The following SMAD3 variants were observed in gnomAD, a reference collection of about 807,000 sequenced individuals.
SMAD3 encodes the protein SMAD family member 3.
Under a neutral mutation model 51.8 loss-of-function variants are expected in SMAD3, and 12 were observed. The observed-to-expected ratio is 0.23, with a 90% CI of 0.15 to 0.38. The LOEUF is 0.38. SMAD3 is among the 10% of genes least tolerant of loss of function. The probability of loss-of-function intolerance (pLI) is 1.00; values close to 1 mark genes in which losing one functional copy is unlikely to be tolerated. For synonymous variants in SMAD3, 238 were observed against 227.7 expected, an observed-to-expected ratio of 1.05 and a Z score of -0.41; for missense variants, 294 against 565.6, an observed-to-expected ratio of 0.52 and a Z score of 4.87.
intron 1 of SMAD3, among the ~76,000 whole-genome samples, chr15:67,138,775 TATAA>T (rs1349230385): frequency 3.9e-5 from 6 of 152,214 alleles, no homozygotes; most frequent in African/African-American, 1.4e-4. Flanking sequence ...GCTGAGAATT[TATAA>T]ATACCCCTCA....
chr15:67,071,551 C>T (rs1234462092), intron 1 of SMAD3, among the ~76,000 whole-genome samples: 2 of 152,116 alleles, frequency 1.3e-5, no homozygotes, highest in Non-Finnish European at 2.9e-5. Flanking sequence ...TGGCTCACAC[C>T]TGTAATCCCA....
intron 1 of SMAD3, among the ~76,000 whole-genome samples, chr15:67,103,402 G>A (rs1960805231): frequency 6.6e-6 from 1 of 152,208 alleles, no homozygotes; most frequent in African/African-American, 2.4e-5. Flanking sequence ...GAGAGAGTGA[G>A]GGATGAGAAA....
intron 1 of SMAD3, among the ~76,000 whole-genome samples, chr15:67,120,989 C>T (rs1378916551): frequency 2.6e-5 from 4 of 152,136 alleles, no homozygotes; most frequent in Non-Finnish European, 5.9e-5. Flanking sequence ...AGAGAAAGTG[C>T]GTTTTCTGTT....
chr15:67,117,449 C>T (rs1270433931), intron 1 of SMAD3, among the ~76,000 whole-genome samples: 1 of 152,092 alleles, frequency 6.6e-6, no homozygotes, highest in African/African-American at 2.4e-5. Flanking sequence ...GAAACCTGTG[C>T]CCCAAAGCAG....
intron 5 of SMAD3, among the ~76,000 whole-genome samples, chr15:67,172,750 C>G (rs1351029934): frequency 6.6e-6 from 1 of 152,192 alleles, no homozygotes; most frequent in African/African-American, 2.4e-5. Context: ...AACTCAGGCC[C>G]TCTCACTCCA....
At chr15:67,134,350 G>A (rs1016125285) in intron 1 of SMAD3, among the ~76,000 whole-genome samples, 5 of 152,086 alleles carry the variant, frequency 3.3e-5, no homozygotes, top group African/African-American at 9.7e-5. Flanking sequence ...TCAGATGAAC[G>A]GGGCCTTTAA....
At chr15:67,163,541 C>T (rs1962486627) in intron 1 of SMAD3, among the ~76,000 whole-genome samples, 2 of 152,178 alleles carry the variant, frequency 1.3e-5, no homozygotes, top group Non-Finnish European at 2.9e-5. Context: ...CTCCCCAGTC[C>T]TTTCCTGTAA....
In SMAD3 at chr15:67,192,648, A is replaced by G. The variant is rs115307123; in HGVS notation, c.*2112A>G. The G allele has an allele frequency of 4.4e-4, 103 of 233,130 alleles. No individual in the cohort carries two copies. The highest frequency in any genetic ancestry group is 2.1e-3 in the African/African-American group (95 of 45,440). The allele number at this position is 233,130 out of a possible 1,614,324, so 14.4% of individuals were successfully genotyped here. On this transcript the variant is annotated 3_prime_UTR_variant, in exon 9 of 9. Transcript: ENST00000327367. ...CATGATCCACCTGCTGCACGATCCT[A>G]TGAGGGCTTCCTGTGGCACACAGCC...
At chr15:67,131,739 A>C (rs988937537) in intron 1 of SMAD3, among the ~76,000 whole-genome samples, 1 of 152,122 alleles carries the variant, frequency 6.6e-6, no homozygotes, top group African/African-American at 2.4e-5. Flanking sequence ...CCTCAAATGA[A>C]GCCCGATTTG....
chr15:67,186,932 G>T (rs746368803), intron 7 of SMAD3: 1 of 383,672 alleles, frequency 2.6e-6, no homozygotes, highest in Non-Finnish European at 5.2e-6. Context: ...CAGAGCTCCT[G>T]TTCCTAGGTG....
intron 6 of SMAD3, among the ~76,000 whole-genome samples, chr15:67,183,040 T>A (rs1158788878): frequency 6.2e-4 from 73 of 117,968 alleles, no homozygotes; most frequent in African/African-American, 9.0e-4. Flanking sequence ...TATTTTTTTT[T>A]TTTTTTTTTT....
rs1008285515 is a variant in SMAD3, at chr15:67,190,939, G to A, written c.*403G>A. ...AGTGTGGAGTTCACCTTGGAAGGGC[G>A]TTCTAGGTAGGAAGAGCCCGCAGGG... On this transcript the variant is annotated 3_prime_UTR_variant, in exon 9 of 9. Coordinates refer to ENST00000327367, the MANE Select transcript of SMAD3 (RefSeq NM_005902.4). 6 of 295,474 alleles carry A rather than the reference G, an allele frequency of 2.0e-5. No homozygotes were observed. Among genetic ancestry groups the A allele is most frequent in the African/African-American group, 4.2e-5 (2 of 48,096 alleles). The allele number at this position is 295,474 out of a possible 1,614,324, so 18.3% of individuals were successfully genotyped here. A position where few individuals can be genotyped will look rare whatever the true frequency, so the allele number is the denominator to read the frequency against.
chr15:67,132,817 C>T (rs1030340128), intron 1 of SMAD3, among the ~76,000 whole-genome samples: 2 of 152,186 alleles, frequency 1.3e-5, no homozygotes, highest in African/African-American at 4.8e-5. Context: ...ACTCCCCACT[C>T]ATCACTCCAA....
At chr15:67,176,544 C>A (rs1281490884) in intron 5 of SMAD3, among the ~76,000 whole-genome samples, 1 of 152,266 alleles carries the variant, frequency 6.6e-6, no homozygotes, top group Non-Finnish European at 1.5e-5. Flanking sequence ...TGCCTCCCCA[C>A]CTCTTCCTTT....
chr15:67,141,619 G>A (rs909552706), intron 1 of SMAD3, among the ~76,000 whole-genome samples: 3 of 152,250 alleles, frequency 2.0e-5, no homozygotes, highest in Admixed American at 1.3e-4. Flanking sequence ...AGGACCAGGC[G>A]GCAAAAATCA....
rs145339999 is a variant in SMAD3 at position 67,125,757 on chromosome 15, C to T, written c.207-39138C>T. The stretch of plus-strand genomic sequence containing the variant: ...TTGCTGGAGGAGGATGACAGAGGAG[C>T]CTGCTGCTGAGTTCACTGGTGCTGG... On this transcript the variant is annotated intron_variant, in intron 1 of 8. Transcript: ENST00000327367. 2,749 of 985,632 alleles carry T rather than the reference C, an allele frequency of 2.8e-3. 6 individuals carry two copies. Among genetic ancestry groups the T allele is most frequent in the Non-Finnish European group, 2.9e-3 (2,448 of 830,018 alleles). 61.1% of individuals were successfully genotyped at this position (985,632 alleles called of 1,614,324 possible).
chr15:67,100,180 T>A (rs1274666358), intron 1 of SMAD3, among the ~76,000 whole-genome samples: 10 of 109,882 alleles, frequency 9.1e-5, no homozygotes, highest in South Asian at 6.4e-4. Context: ...AAACTCCATC[T>A]AAAAAAAAAA....
intron 1 of SMAD3, among the ~76,000 whole-genome samples, chr15:67,084,543 A>G (rs1346656261): frequency 1.3e-5 from 2 of 152,128 alleles, no homozygotes; most frequent in Non-Finnish European, 2.9e-5. Flanking sequence ...TTGTATTATC[A>G]TTGTTGTTTA....
intron 3 of SMAD3, among the ~76,000 whole-genome samples, chr15:67,165,601 C>A (rs1757556200): frequency 1.3e-5 from 2 of 152,232 alleles, no homozygotes; most frequent in Admixed American, 1.3e-4. Context: ...CTTTTCTTGG[C>A]ATAGAGGAGC....
Sources: allele counts gnomAD v4.1 joint callset (sites outside exome capture counted in the v4.1 genomes callset), GRCh38; gene constraint gnomAD v4.1.1; transcripts MANE v1.5; gene names NCBI Gene and HGNC (gene_info 2026-07-23, HGNC 2026-07-21).